The following KHDRBS2 variants were observed in gnomAD, a reference collection of about 807,000 sequenced individuals.
KHDRBS2 encodes KH RNA binding domain containing, signal transduction associated 2.
Under a neutral mutation model 44.3 loss-of-function variants are expected in KHDRBS2, and 26 were observed. That is an observed-to-expected ratio of 0.59 (90% CI 0.43 to 0.81). KHDRBS2 has a LOEUF of 0.81. KHDRBS2 is among the 40% of genes least tolerant of loss of function. The pLI is 0.00. For synonymous variants in KHDRBS2, 194 were observed against 151.1 expected (o/e 1.28, Z -2.08); for missense variants, 476 against 433.1 (o/e 1.10, Z -0.88).
chr6:62,086,122 C>T (rs1365060525), intron 2 of KHDRBS2, among the ~76,000 whole-genome samples: 1 of 152,088 alleles, frequency 6.6e-6, no homozygotes, highest in Non-Finnish European at 1.5e-5. Context: ...TTGTGTCTGG[C>T]AATTCCATTT....
chr6:62,008,406 G>T (rs997573446), intron 3 of KHDRBS2, among the ~76,000 whole-genome samples: 1 of 152,032 alleles, frequency 6.6e-6, no homozygotes, highest in Non-Finnish European at 1.5e-5. Context: ...TTGAAATTTT[G>T]TGAGGAATAA....
chr6:62,046,378 AAC>A (rs1165510995), intron 3 of KHDRBS2, among the ~76,000 whole-genome samples: 1 of 152,104 alleles, frequency 6.6e-6, no homozygotes, highest in East Asian at 1.9e-4. Context: ...AGCTAACTAG[AAC>A]AGTTCTCCAT....
chr6:61,820,660 T>C (rs986210433), intron 6 of KHDRBS2, among the ~76,000 whole-genome samples: 1 of 151,982 alleles, frequency 6.6e-6, no homozygotes, highest in Non-Finnish European at 1.5e-5. Flanking sequence ...CTCATAGGTG[T>C]TTTCTGGAAG....
At position 61,680,925 on chromosome 6, in the gene KHDRBS2, A is replaced by C. The variant is rs752662371; in HGVS notation, c.*38T>G. On this transcript the variant is annotated 3_prime_UTR_variant, in exon 9 of 9. Transcript: ENST00000281156. ...GTTTATGTGGAGACCACAGGCTATG[A>C]ATTGTCTTTGAGGTGAGGTCACAGG... The C allele has an allele frequency of 7.6e-7, 1 of 1,309,500 alleles. No homozygotes were observed. Among genetic ancestry groups the C allele is most frequent in the Non-Finnish European group, 1.1e-6 (1 of 910,756 alleles). The allele number at this position is 1,309,500 out of a possible 1,614,324, so 81.1% of individuals were successfully genotyped here.
At chr6:61,757,012 A>G (rs1313669377) in intron 6 of KHDRBS2, among the ~76,000 whole-genome samples, 5 of 152,198 alleles carry the variant, frequency 3.3e-5, no homozygotes, top group African/African-American at 1.2e-4. Context: ...CAACGTAATT[A>G]TTTGGAGCTT....
the KHDRBS2 span, among the ~76,000 whole-genome samples, chr6:61,625,901 T>A: frequency 6.6e-6 from 1 of 152,218 alleles, no homozygotes; most frequent in Non-Finnish European, 1.5e-5. Context: ...CTTAAACAAC[T>A]TTCTAATAAC....
At chr6:61,607,005 G>T in the KHDRBS2 span, among the ~76,000 whole-genome samples, 1 of 152,074 alleles carries the variant, frequency 6.6e-6, no homozygotes, top group Non-Finnish European at 1.5e-5. Flanking sequence ...CCATAAAATA[G>T]AGTTATCAAA....
At chr6:61,783,410 G>T (rs567293754) in intron 6 of KHDRBS2, among the ~76,000 whole-genome samples, 1 of 152,002 alleles carries the variant, frequency 6.6e-6, no homozygotes, top group Non-Finnish European at 1.5e-5. Context: ...GTCAGTCTCC[G>T]CAGAAGACTG....
chr6:62,103,962 G>T (rs558772261), intron 2 of KHDRBS2, among the ~76,000 whole-genome samples: 2 of 151,940 alleles, frequency 1.3e-5, no homozygotes, highest in Non-Finnish European at 2.9e-5. Flanking sequence ...GAAACATAAG[G>T]TCATAAAGGA....
rs371595813 is a variant in KHDRBS2, at chr6:61,945,150, T to TATATATATATATACACAC, written c.483+32915_483+32916insGTGTGTATATATATATAT. 8.6e-4 allele frequency among the ~76,000 whole-genome samples: 75 copies of TATATATATATATACACAC among 86,990 alleles called. 7 individuals carry two copies. The highest frequency in any genetic ancestry group is 1.2e-3 in the Admixed American group (8 of 6,750). 57.1% of individuals were successfully genotyped at this position (86,990 alleles called of 152,430 possible). A position where few individuals can be genotyped will look rare whatever the true frequency, so the allele number is the denominator to read the frequency against. On this transcript the variant is annotated intron_variant, in intron 4 of 8. Transcript: ENST00000281156. Reference sequence around the variant, plus strand: ...ATATATATATATATATATATATATATACACACAGACTTGTCTTGATAAAGT... The same window carrying TATATATATATATACACAC: ...ATATATATATATATATATATATATATATATATATATATACACACACACACAGACTTGTCTTGATAAAGT...
intron 6 of KHDRBS2, among the ~76,000 whole-genome samples, chr6:61,794,700 G>C (rs1373717412): frequency 6.6e-6 from 1 of 152,104 alleles, no homozygotes; most frequent in Non-Finnish European, 1.5e-5. Flanking sequence ...ACACCATACA[G>C]TACCAACCAA....
intron 6 of KHDRBS2, among the ~76,000 whole-genome samples, chr6:61,864,599 C>A (rs1449914141): frequency 6.6e-6 from 1 of 152,128 alleles, no homozygotes. Flanking sequence ...GCCTCAATCT[C>A]TTCTGTCTTT....
intron 2 of KHDRBS2, among the ~76,000 whole-genome samples, chr6:62,056,072 T>G (rs1562740525): frequency 1.3e-5 from 2 of 151,992 alleles, no homozygotes. Flanking sequence ...TTGGTGGAAC[T>G]TTCCTGAAGA....
intron 2 of KHDRBS2, among the ~76,000 whole-genome samples, chr6:62,109,852 T>C (rs1257544499): frequency 6.6e-6 from 1 of 151,872 alleles, no homozygotes; most frequent in Non-Finnish European, 1.5e-5. Context: ...TTTCAATTTA[T>C]ATCACACCAT....
At chr6:61,736,043 A>C (rs181113862) in intron 6 of KHDRBS2, among the ~76,000 whole-genome samples, 9 of 149,196 alleles carry the variant, frequency 6.0e-5, no homozygotes, top group Middle Eastern at 3.5e-3. Context: ...GAGCTCTTTC[A>C]ATCTAGAGGC....
intron 6 of KHDRBS2, among the ~76,000 whole-genome samples, chr6:61,847,379 C>A (rs1379723833): frequency 1.3e-5 from 2 of 152,110 alleles, no homozygotes; most frequent in African/African-American, 4.8e-5. Flanking sequence ...CTTTCTCAGG[C>A]ACTTGGGAGC....
At chr6:61,574,798 G>C in the KHDRBS2 span, among the ~76,000 whole-genome samples, 19 of 151,996 alleles carry the variant, frequency 1.3e-4, no homozygotes, top group African/African-American at 4.6e-4. Context: ...AATCCCAGCT[G>C]CTTTGGAGGC....
chr6:61,626,235 C>T, the KHDRBS2 span, among the ~76,000 whole-genome samples: 30 of 152,132 alleles, frequency 2.0e-4, no homozygotes, highest in African/African-American at 4.1e-4. Context: ...TTTAATTGTG[C>T]GACTGTTGCA....
At chr6:62,073,530 C>CTTT (rs60124030) in intron 2 of KHDRBS2, among the ~76,000 whole-genome samples, 24 of 124,412 alleles carry the variant, frequency 1.9e-4, no homozygotes, top group South Asian at 1.0e-3. Context: ...TTTCTTTTTT[C>CTTT]TTTTTTTTTT....
Sources: allele counts gnomAD v4.1 joint callset (sites outside exome capture counted in the v4.1 genomes callset), GRCh38; gene constraint gnomAD v4.1.1; transcripts MANE v1.5; gene names NCBI Gene and HGNC (gene_info 2026-07-23, HGNC 2026-07-21).